CDH20: variants seen among roughly 807,000 people sequenced by gnomAD.
CDH20 encodes cadherin 20, also known as cadherin-20.
In CDH20, 29 loss-of-function variants were observed where a neutral mutation model predicts 74.2. The observed-to-expected ratio is 0.39, with a 90% CI of 0.29 to 0.53. The LOEUF (loss-of-function observed/expected upper bound fraction) is 0.53. Among genes scored for constraint, CDH20 ranks in the 20% least tolerant of loss-of-function variants. The pLI is 0.69. For missense variants in CDH20, 988 were observed against 1,048.3 expected, an observed-to-expected ratio of 0.94 and a Z score of 0.79; for synonymous variants, 469 against 405.4, an observed-to-expected ratio of 1.16 and a Z score of -1.88.
intron 6 of CDH20, among the ~76,000 whole-genome samples, chr18:61,518,356 C>T (rs1912078869): frequency 6.6e-6 from 1 of 152,186 alleles, no homozygotes; most frequent in Non-Finnish European, 1.5e-5. Flanking sequence ...ACAGACACCT[C>T]ATAGAGGAGA....
At position 61,555,088 on chromosome 18, in the gene CDH20, T is replaced by C; in HGVS notation, c.*393T>C. On this transcript the variant is annotated 3_prime_UTR_variant, in exon 12 of 12. Transcript: ENST00000262717. Reference sequence around the variant, plus strand: ...CAATTGAAAGCAGAAAGTTCTACTCTCGTATCTGTTTTTTATCTTATCTTA... The same window carrying C: ...CAATTGAAAGCAGAAAGTTCTACTCCCGTATCTGTTTTTTATCTTATCTTA... The C allele has an allele frequency of 2.2e-5, 23 of 1,037,370 alleles. No individual in the cohort carries two copies. The highest frequency in any genetic ancestry group is 2.5e-5 in the Non-Finnish European group (22 of 863,286). 64.3% of individuals were successfully genotyped at this position (1,037,370 alleles called of 1,614,324 possible). A position where few individuals can be genotyped will look rare whatever the true frequency, so the allele number is the denominator to read the frequency against.
intron 1 of CDH20, among the ~76,000 whole-genome samples, chr18:61,420,195 G>A (rs891070583): frequency 5.9e-5 from 9 of 152,182 alleles, no homozygotes; most frequent in South Asian, 2.1e-4. Flanking sequence ...GCTACTGAGC[G>A]TTTGCATTAT....
At chr18:61,419,769 T>G (rs1912815723) in intron 1 of CDH20, among the ~76,000 whole-genome samples, 1 of 152,224 alleles carries the variant, frequency 6.6e-6, no homozygotes. Context: ...TCAATGTTTC[T>G]CTTACAATGT....
At chr18:61,545,631 C>A (rs560830046) in intron 10 of CDH20, among the ~76,000 whole-genome samples, 3 of 151,834 alleles carry the variant, frequency 2.0e-5, no homozygotes, top group South Asian at 4.2e-4. Context: ...AGAAAGTGAT[C>A]TAGGATAAAA....
At position 61,528,085 on chromosome 18, in the gene CDH20, G is replaced by A. The variant is rs753500267; in HGVS notation, c.1136G>A (p.Ser379Asn). The change falls in exon 7 of 12, where the codon AGT (serine) becomes AAT (asparagine). Residue 379 changes from serine to asparagine, a missense_variant. Around this residue, in one of 2 missense-constraint regions of CDH20, gnomAD observed 613 missense variants for 755.2 expected, o/e 0.81. Transcript: ENST00000262717. Reference sequence around the variant, plus strand: ...CAGGACACAACAACAGTGCACATCAGTGTGGAAGACGTGGACGAGCCCCCT... The same window carrying A: ...CAGGACACAACAACAGTGCACATCAATGTGGAAGACGTGGACGAGCCCCCT... Reference protein sequence around the residue: ...PFQDTTTVHISVEDVDEPPVF... With the variant: ...PFQDTTTVHINVEDVDEPPVF... 2.0e-5 allele frequency: 32 copies of A among 1,614,064 alleles called. No homozygotes were observed. The highest frequency in any genetic ancestry group is 2.7e-5 in the Non-Finnish European group (32 of 1,180,038).
In CDH20 at chr18:61,385,720, C is replaced by T. The variant is rs551267702; in HGVS notation, c.-153+51893C>T. On this transcript the variant is annotated intron_variant, in intron 1 of 11. Coordinates refer to ENST00000262717, the MANE Select transcript of CDH20 (RefSeq NM_031891.4). ...GGTCAAGGTGGGCAGATCACAAGGT[C>T]AGGAGTTTGAGACCAGCTGGCCAAC... Among the ~76,000 whole-genome samples the T allele has an allele frequency of 5.3e-5, 8 of 152,092 alleles. No homozygotes were observed. In the East Asian group the frequency reaches 1.5e-3, roughly 29 times the overall value.
At chr18:61,428,859 G>GC (rs1281189558) in intron 1 of CDH20, among the ~76,000 whole-genome samples, 2 of 152,216 alleles carry the variant, frequency 1.3e-5, no homozygotes, top group African/African-American at 4.8e-5. Context: ...CCACCCACCA[G>GC]CCCTCCAGCC....
At chr18:61,502,405 G>A (rs1911414292) in intron 4 of CDH20, among the ~76,000 whole-genome samples, 1 of 152,084 alleles carries the variant, frequency 6.6e-6, no homozygotes, top group Non-Finnish European at 1.5e-5. Context: ...AAAACAGAAT[G>A]AATATGTAAC....
chr18:61,538,625 G>GTTT lies in CDH20; in HGVS notation c.1409-390_1409-388dup, dbSNP rs1415668565. Among the ~76,000 whole-genome samples the GTTT allele has an allele frequency of 2.6e-3, 138 of 53,774 alleles. 23 individuals are homozygous for GTTT. Among genetic ancestry groups the GTTT allele is most frequent in the Middle Eastern group, 0.015 (1 of 66 alleles). The allele number at this position is 53,774 out of a possible 152,430, so 35.3% of individuals were successfully genotyped here. A position where few individuals can be genotyped will look rare whatever the true frequency, so the allele number is the denominator to read the frequency against. On this transcript the variant is annotated intron_variant, in intron 8 of 11. Coordinates refer to ENST00000262717, the MANE Select transcript of CDH20 (RefSeq NM_031891.4). ...TTGTTTTTGTTTTTGTTTTTGTTTT[G>GTTT]TTTTTTTTTTTGAGACGGAGTCTTA... is the stretch of plus-strand genomic sequence containing the variant.
intron 1 of CDH20, among the ~76,000 whole-genome samples, chr18:61,363,153 T>C (rs903820056): frequency 1.3e-5 from 2 of 152,188 alleles, no homozygotes; most frequent in Non-Finnish European, 2.9e-5. Context: ...AGAAGATATT[T>C]GATCTTCTCT....
chr18:61,380,752 T>C (rs1483068305), intron 1 of CDH20, among the ~76,000 whole-genome samples: 1 of 152,104 alleles, frequency 6.6e-6, no homozygotes, highest in Non-Finnish European at 1.5e-5. Flanking sequence ...GAGATTGCAG[T>C]GAGCCGAGAT....
At chr18:61,386,338 A>C (rs1027600478) in intron 1 of CDH20, among the ~76,000 whole-genome samples, 9 of 152,124 alleles carry the variant, frequency 5.9e-5, no homozygotes, top group African/African-American at 2.2e-4. Context: ...GCCCTTTTTA[A>C]AAAAGGCCTG....
intron 5 of CDH20, among the ~76,000 whole-genome samples, chr18:61,505,857 T>A (rs187160719): frequency 2.0e-5 from 3 of 152,234 alleles, no homozygotes; most frequent in Non-Finnish European, 2.9e-5. Context: ...TTGCATTCTC[T>A]CTTCATTAAA....
intron 1 of CDH20, among the ~76,000 whole-genome samples, chr18:61,359,633 TA>T (rs904291848): frequency 2.0e-5 from 3 of 152,058 alleles, no homozygotes; most frequent in Non-Finnish European, 4.4e-5. Context: ...ACGGTTTATT[TA>T]AAAAAAGAAA....
intron 1 of CDH20, among the ~76,000 whole-genome samples, chr18:61,358,012 C>T (rs1599034294): frequency 6.6e-6 from 1 of 152,128 alleles, no homozygotes; most frequent in South Asian, 2.1e-4. Flanking sequence ...CAGATTTCTG[C>T]ACAAATCGTC....
chr18:61,499,441 G>A lies in CDH20; in HGVS notation c.502G>A (p.Gly168Arg), dbSNP rs780788767. ...INDNEPKFLD[G>R]PYVATVPEMS... The stretch of plus-strand genomic sequence containing the variant: ...TGACAATGAGCCCAAGTTCCTGGAC[G>A]GACCTTATGTGGCCACTGTGCCAGA... Residue 168 changes from glycine (G) to arginine (R), a missense_variant, in exon 3 of 12, where the codon GGA (glycine) becomes AGA (arginine). Physicochemically the swap from Gly to Arg is moderately radical, Grantham distance 125 (BLOSUM62 -2). Around this residue, in one of 2 missense-constraint regions of CDH20, gnomAD observed 613 missense variants for 755.2 expected, o/e 0.81. Coordinates refer to ENST00000262717, the MANE Select transcript of CDH20 (RefSeq NM_031891.4). The A allele has an allele frequency of 1.7e-5, 28 of 1,611,514 alleles. 2 individuals carry two copies. Among genetic ancestry groups the A allele is most frequent in the Middle Eastern group, 3.5e-4 (2 of 5,752 alleles).
intron 1 of CDH20, among the ~76,000 whole-genome samples, chr18:61,343,804 A>G (rs1910030033): frequency 1.3e-5 from 2 of 152,194 alleles, no homozygotes; most frequent in African/African-American, 4.8e-5. Flanking sequence ...ATTGCTGTGG[A>G]GGCCTGGACC....
At chr18:61,478,662 T>G (rs753092432) in intron 1 of CDH20, among the ~76,000 whole-genome samples, 1 of 152,200 alleles carries the variant, frequency 6.6e-6, no homozygotes, top group South Asian at 2.1e-4. Context: ...TGGTGAAGAA[T>G]AGAGATGTAG....
rs150127347 is a variant in CDH20 at position 61,404,608 on chromosome 18, C to T, written c.-153+70781C>T. 1.8e-3 allele frequency among the ~76,000 whole-genome samples: 268 copies of T among 152,068 alleles called. 2 individuals are homozygous for T. The highest frequency in any genetic ancestry group is 0.012 in the Admixed American group (181 of 15,286). On this transcript the variant is annotated intron_variant, in intron 1 of 11. Coordinates refer to ENST00000262717, the MANE Select transcript of CDH20 (RefSeq NM_031891.4). ...TCGCCCAAGATACAATAATAATCCA[C>T]GGGTAAAATAAGGATTTACCCAGCA...
Sources: allele counts gnomAD v4.1 joint callset (sites outside exome capture counted in the v4.1 genomes callset), GRCh38; gene constraint gnomAD v4.1.1; regional missense constraint gnomAD v4.1.1; transcripts MANE v1.5; gene names NCBI Gene and HGNC (gene_info 2026-07-23, HGNC 2026-07-21).